The following NRAP variants were observed in gnomAD, a reference collection of about 807,000 sequenced individuals.
NRAP encodes nebulin related anchoring protein.
In NRAP, 189 loss-of-function variants were observed where a neutral mutation model predicts 225.9. The ratio of observed to expected loss-of-function variants is 0.84; its 90% confidence interval spans 0.74 to 0.94. NRAP has a LOEUF of 0.94. NRAP is among the 40% of genes least tolerant of loss of function. The pLI is 0.00. For missense variants in NRAP, 2,176 were observed against 2,168.7 expected (o/e 1.00, Z -0.07); for synonymous variants, 769 against 790.7 (o/e 0.97, Z 0.46).
In NRAP at chr10:113,647,113, T is replaced by C. The variant is rs1234249005; in HGVS notation, c.889-86A>G. 2.3e-5 allele frequency: 19 copies of C among 844,140 alleles called. No homozygotes were observed. The East Asian group carries it at 2.4e-4, about 11-fold the overall frequency. 52.3% of individuals were successfully genotyped at this position (844,140 alleles called of 1,614,324 possible). Reference sequence around the variant, plus strand: ...AGCAATGGTCACTCATAGAGCCTATTCTCACAGAGGTTCATCCACCTTGGG... The same window carrying C: ...AGCAATGGTCACTCATAGAGCCTATCCTCACAGAGGTTCATCCACCTTGGG... On this transcript the variant is annotated intron_variant, in intron 9 of 41. Coordinates refer to ENST00000359988, the MANE Select transcript of NRAP (RefSeq NM_198060.4).
chr10:113,612,470 C>T (rs745361061), intron 29 of NRAP, 39 bp from the exon 30 acceptor site: 45 of 1,559,922 alleles, frequency 2.9e-5, no homozygotes, highest in Non-Finnish European at 3.6e-5. Context: ...TATTTCAAAG[C>T]CACTATTTGC....
rs369975676 is a variant in NRAP, at chr10:113,621,884, A to G, written c.2754T>C (p.Tyr918=). 3 of 1,611,870 alleles carry G rather than the reference A, an allele frequency of 1.9e-6. No homozygotes were observed. Among genetic ancestry groups the G allele is most frequent in the Admixed American group, 3.3e-5 (2 of 59,976 alleles). The stretch of plus-strand genomic sequence containing the variant: ...CAGAGCTTACATCACTCTGTAAGCC[A>G]TAAGCCTTCTTGGCCCATTCCACCT... ...DMKVEWAKKA[Y]GLQSDNQYRA... is the part of the protein sequence containing the mutation. Residue 918 remains tyrosine (Y), a synonymous_variant, in exon 24 of 42, where the codon TAT becomes TAC. Coordinates refer to ENST00000359988, the MANE Select transcript of NRAP (RefSeq NM_198060.4).
At chr10:113,605,159 T>C (rs972767554) in intron 34 of NRAP, among the ~76,000 whole-genome samples, 3 of 152,206 alleles carry the variant, frequency 2.0e-5, no homozygotes, top group Non-Finnish European at 2.9e-5. Flanking sequence ...TTACATGTCC[T>C]ATGGCCAAAA....
chr10:113,638,021 T>A (rs1234701134), intron 14 of NRAP, among the ~76,000 whole-genome samples: 1 of 152,114 alleles, frequency 6.6e-6, no homozygotes, highest in Non-Finnish European at 1.5e-5. Context: ...GTAGAGAAAA[T>A]TAGGAAATAT....
At chr10:113,622,464 AT>A (rs560005201) in intron 23 of NRAP, among the ~76,000 whole-genome samples, 31 of 152,328 alleles carry the variant, frequency 2.0e-4, no homozygotes, top group Admixed American at 1.7e-3. Flanking sequence ...CCAAAGTACA[AT>A]TGCTGCTCAT....
chr10:113,607,383 A>C, intron 32 of NRAP, among the ~76,000 whole-genome samples: 1 of 126,668 alleles, frequency 7.9e-6, no homozygotes, highest in African/African-American at 3.0e-5. Flanking sequence ...GCCTGGGTGA[A>C]AGAGCGAAAC....
intron 40 of NRAP, 50 bp downstream of exon 40, chr10:113,590,528 G>A (rs1231344088): frequency 6.4e-7 from 1 of 1,557,104 alleles, no homozygotes; most frequent in Non-Finnish European, 8.7e-7. Flanking sequence ...CATCTCTTAG[G>A]AAGAGGCACC....
intron 20 of NRAP, among the ~76,000 whole-genome samples, chr10:113,628,391 T>C (rs1848400229): frequency 6.6e-6 from 1 of 152,100 alleles, no homozygotes; most frequent in Admixed American, 6.5e-5. Context: ...GGTTTCACCG[T>C]GTTAGCCAGG....
intron 9 of NRAP, among the ~76,000 whole-genome samples, chr10:113,648,467 C>CTCTCTCTATATATATATA (rs749486311): frequency 2.1e-4 from 18 of 87,378 alleles, no homozygotes; most frequent in Admixed American, 1.1e-3. Flanking sequence ...CTCTCTCTCT[C>CTCTCTCTATATATATATA]TATATATATA....
intron 12 of NRAP, among the ~76,000 whole-genome samples, chr10:113,642,368 G>A (rs1849253080): frequency 6.6e-6 from 1 of 152,032 alleles, no homozygotes; most frequent in Non-Finnish European, 1.5e-5. Context: ...ACAGTCCCTT[G>A]CAATTTTAAA....
chr10:113,634,158 G>T lies in NRAP; in HGVS notation c.1481C>A (p.Thr494Asn), dbSNP rs755310519. Residue 494 changes from threonine (T) to asparagine (N), a missense_variant, in exon 15 of 42, where the codon ACC (threonine) becomes AAC (asparagine). By Grantham distance (65) the Thr-to-Asn change is moderately conservative (BLOSUM62 0). Around this residue, in one of 3 missense-constraint regions of NRAP, gnomAD observed 1,708 missense variants for 1,695.5 expected, o/e 1.01. Coordinates refer to ENST00000359988, the MANE Select transcript of NRAP (RefSeq NM_198060.4). ...DKLKYSSVTD[T>N]PQIVQAKINA... Reference sequence around the variant, plus strand: ...GATTTTGGCTTGAACAATCTGTGGGGTGTCAGTCACCGAGCTGTACTTCAA... The same window carrying T: ...GATTTTGGCTTGAACAATCTGTGGGTTGTCAGTCACCGAGCTGTACTTCAA... 7 of 1,613,796 alleles carry T rather than the reference G, an allele frequency of 4.3e-6. No individual in the cohort carries two copies. The highest frequency in any genetic ancestry group is 5.1e-6 in the Non-Finnish European group (6 of 1,179,876).
intron 35 of NRAP, among the ~76,000 whole-genome samples, chr10:113,603,105 T>C (rs532310420): frequency 1.3e-5 from 2 of 152,356 alleles, no homozygotes; most frequent in Admixed American, 1.3e-4. Flanking sequence ...CTAGGGATGC[T>C]GTGGGCCTAG....
At chr10:113,609,944 G>A (rs1847221070) in intron 31 of NRAP, among the ~76,000 whole-genome samples, 1 of 151,122 alleles carries the variant, frequency 6.6e-6, no homozygotes, top group Non-Finnish European at 1.5e-5. Context: ...ATGGCATGCA[G>A]TCTGAATGGA....
rs1848280364 is a variant in NRAP, at chr10:113,626,140, GT to G, written c.2150del (p.Asn717ThrfsTer9). ...TCAGCTCATCGACCCTCTGCCGGTA[GT>G]TTTTCTGTTTCCAAAGGAAAGGGAC... is the stretch of plus-strand genomic sequence containing the variant. ...KKAGQLVSEK[N>X]YRQRVDELKF... On this transcript the variant is annotated frameshift_variant, in exon 21 of 42. Transcript: ENST00000359988. LOFTEE classifies it high-confidence loss of function. 6.2e-7 allele frequency: 1 copy of G among 1,600,892 alleles called. No individual in the cohort carries two copies. The highest frequency in any genetic ancestry group is 8.5e-7 in the Non-Finnish European group (1 of 1,173,564).
intron 20 of NRAP, among the ~76,000 whole-genome samples, chr10:113,626,890 G>A (rs761950106): frequency 6.6e-5 from 10 of 152,130 alleles, no homozygotes; most frequent in South Asian, 4.2e-4. Context: ...TCCCCCCTCC[G>A]GGACTTCTTG....
At chr10:113,596,211 T>C (rs572607932) in intron 37 of NRAP, among the ~76,000 whole-genome samples, 27 of 152,338 alleles carry the variant, frequency 1.8e-4, no homozygotes, top group Admixed American at 5.2e-4. Context: ...AATTAGTATT[T>C]TCATAGCCCA....
intron 30 of NRAP, among the ~76,000 whole-genome samples, chr10:113,611,532 T>C (rs1053932662): frequency 6.6e-6 from 1 of 152,188 alleles, no homozygotes; most frequent in African/African-American, 2.4e-5. Flanking sequence ...AAGTCTCCAA[T>C]GCTTCCTGAC....
intron 13 of NRAP, 42 bp downstream of exon 13, chr10:113,641,323 G>A (rs1165927540): frequency 2.5e-6 from 3 of 1,200,456 alleles, no homozygotes; most frequent in South Asian, 2.5e-5. Context: ...TTCATGCCCT[G>A]CCCCACTCCA....
At chr10:113,637,773 A>T (rs1204119537) in intron 14 of NRAP, among the ~76,000 whole-genome samples, 2 of 152,070 alleles carry the variant, frequency 1.3e-5, no homozygotes, top group African/African-American at 4.8e-5. Context: ...AAAATACAAA[A>T]TTAGGGAGCG....
Sources: gnomAD v4.1 joint callset for allele counts (sites outside exome capture counted in the v4.1 genomes callset) on GRCh38, gnomAD v4.1.1 for gene constraint, gnomAD v4.1.1 regional missense constraint, MANE v1.5 for transcripts, NCBI Gene and HGNC (gene_info 2026-07-23, HGNC 2026-07-21) for gene names.